DCC: variants seen among roughly 807,000 people sequenced by gnomAD.
The protein encoded by DCC is DCC netrin 1 receptor.
A neutral mutation model predicts 172.5 loss-of-function variants in DCC; 58 were observed. That is an observed-to-expected ratio of 0.34 (90% CI 0.27 to 0.42). The LOEUF is 0.42. Among genes scored for constraint, DCC ranks in the 10% least tolerant of loss-of-function variants. The pLI, the probability that DCC is intolerant of heterozygous loss-of-function variation, is 1.00. For synonymous variants in DCC, 709 were observed against 644.5 expected (o/e 1.10, Z -1.52); for missense variants, 1,740 against 1,791.0 (o/e 0.97, Z 0.51).
chr18:53,172,902 G>A (rs1341023016), intron 8 of DCC, among the ~76,000 whole-genome samples: 2 of 152,050 alleles, frequency 1.3e-5, no homozygotes, highest in African/African-American at 4.8e-5. Context: ...CACTAACTGT[G>A]AAGCCTTTGA....
intron 23 of DCC, among the ~76,000 whole-genome samples, chr18:53,454,842 C>T (rs1344539945): frequency 6.6e-6 from 1 of 152,098 alleles, no homozygotes; most frequent in Non-Finnish European, 1.5e-5. Flanking sequence ...CAATATTCAC[C>T]TCATAAGAGA....
chr18:53,288,839 TCTGCATGTA>T (rs1480072720), intron 12 of DCC, among the ~76,000 whole-genome samples: 2 of 152,312 alleles, frequency 1.3e-5, no homozygotes, highest in African/African-American at 4.8e-5. Context: ...ACTTGCTCTT[TCTGCATGTA>T]TAAATAAAAT....
At chr18:53,228,651 A>G (rs898217507) in intron 12 of DCC, among the ~76,000 whole-genome samples, 1 of 152,082 alleles carries the variant, frequency 6.6e-6, no homozygotes, top group Non-Finnish European at 1.5e-5. Flanking sequence ...AAGGTTGGGC[A>G]TTTTCTGACT....
At chr18:52,536,439 G>T (rs2032292127) in intron 1 of DCC, among the ~76,000 whole-genome samples, 1 of 152,144 alleles carries the variant, frequency 6.6e-6, no homozygotes. Context: ...GGCTTCACCA[G>T]ACATGTCTTT....
At chr18:52,491,982 C>T (rs181510510) in intron 1 of DCC, among the ~76,000 whole-genome samples, 1 of 151,906 alleles carries the variant, frequency 6.6e-6, no homozygotes, top group Admixed American at 6.6e-5. Flanking sequence ...ATATGTGTCC[C>T]TAATACCATG....
Position 52,736,416 on chromosome 18 carries a change from G to A in DCC, c.92-15638G>A, listed in dbSNP as rs1178551736. Among the ~76,000 whole-genome samples the A allele has an allele frequency of 3.9e-5, 6 of 151,994 alleles. No homozygotes were observed. The East Asian group carries it at 7.7e-4, about 20-fold the overall frequency. ...ATCCCTACCACTAGACCATCTTTGT[G>A]CAAGAGAATGGATCTTGCTGTATAT... On this transcript the variant is annotated intron_variant, in intron 1 of 28. Coordinates refer to ENST00000442544, the MANE Select transcript of DCC (RefSeq NM_005215.4).
chr18:52,530,782 AC>A (rs1420047713), intron 1 of DCC, among the ~76,000 whole-genome samples: 1 of 152,194 alleles, frequency 6.6e-6, no homozygotes, highest in East Asian at 1.9e-4. Flanking sequence ...GTCCTAAGAC[AC>A]CCAGAGAGAG....
chr18:53,178,447 C>T (rs2055142494), intron 8 of DCC, among the ~76,000 whole-genome samples: 1 of 152,156 alleles, frequency 6.6e-6, no homozygotes, highest in African/African-American at 2.4e-5. Context: ...CTTAAAGTAA[C>T]CACAGGGACT....
intron 1 of DCC, among the ~76,000 whole-genome samples, chr18:52,653,519 C>A (rs1160247294): frequency 6.6e-6 from 1 of 152,066 alleles, no homozygotes; most frequent in Non-Finnish European, 1.5e-5. Context: ...TGAATAATTG[C>A]TACACAATCT....
At chr18:53,234,132 C>T (rs979742789) in intron 12 of DCC, among the ~76,000 whole-genome samples, 1 of 152,174 alleles carries the variant, frequency 6.6e-6, no homozygotes, top group African/African-American at 2.4e-5. Context: ...TGCCTGTAAT[C>T]CCAGCTACTC....
chr18:52,351,921 C>T (rs893508954), intron 1 of DCC, among the ~76,000 whole-genome samples: 1 of 152,192 alleles, frequency 6.6e-6, no homozygotes, highest in East Asian at 1.9e-4. Context: ...CCACTTGAAT[C>T]AACCTACCAT....
intron 5 of DCC, among the ~76,000 whole-genome samples, chr18:53,055,367 T>G (rs2144052359): frequency 1.3e-5 from 2 of 152,270 alleles, no homozygotes; most frequent in Middle Eastern, 6.8e-3. Context: ...GGAAAAAAGT[T>G]AATACATATT....
At chr18:53,443,082 A>G (rs1912373929) in intron 22 of DCC, among the ~76,000 whole-genome samples, 1 of 152,212 alleles carries the variant, frequency 6.6e-6, no homozygotes, top group South Asian at 2.1e-4. Context: ...TCTAGCTAAG[A>G]TAATTGATGA....
chr18:52,840,638 G>C (rs549011497), intron 2 of DCC, among the ~76,000 whole-genome samples: 1 of 152,242 alleles, frequency 6.6e-6, no homozygotes, highest in South Asian at 2.1e-4. Flanking sequence ...TGGTTCTTGG[G>C]ATCCTTCTAG....
At chr18:52,842,671 T>C (rs927902848) in intron 2 of DCC, among the ~76,000 whole-genome samples, 1 of 152,154 alleles carries the variant, frequency 6.6e-6, no homozygotes, top group Non-Finnish European at 1.5e-5. Flanking sequence ...AATCAGAAAT[T>C]CTGGAGATGA....
At chr18:53,416,468 A>AT in intron 21 of DCC, 1 of 494,884 alleles carries the variant, frequency 2.0e-6, no homozygotes, top group Non-Finnish European at 3.7e-6. Context: ...ATTAAGTATA[A>AT]TTAAGCTCAG....
At chr18:52,931,418 T>C (rs2040305198) in intron 5 of DCC, among the ~76,000 whole-genome samples, 1 of 126,458 alleles carries the variant, frequency 7.9e-6, no homozygotes. Flanking sequence ...TAATCACGCA[T>C]TTTATTAGAC....
intron 1 of DCC, among the ~76,000 whole-genome samples, chr18:52,597,180 G>A (rs547658693): frequency 2.0e-5 from 3 of 152,200 alleles, no homozygotes; most frequent in East Asian, 1.9e-4. Context: ...TCTTTGAAAC[G>A]GCCTATAAAA....
chr18:53,118,204 GATT>G (rs1157457642), intron 7 of DCC, among the ~76,000 whole-genome samples: 3 of 151,860 alleles, frequency 2.0e-5, no homozygotes, highest in Non-Finnish European at 2.9e-5. Flanking sequence ...GCAGTGACAT[GATT>G]ATTATTACTT....
Sources: allele counts gnomAD v4.1 joint callset (sites outside exome capture counted in the v4.1 genomes callset), GRCh38; gene constraint gnomAD v4.1.1; transcripts MANE v1.5; gene names NCBI Gene and HGNC (gene_info 2026-07-23, HGNC 2026-07-21).